Variants in PDE1A observed in about 807,000 individuals in gnomAD.
The protein encoded by PDE1A is phosphodiesterase 1A.
PDE1A carries 35 observed loss-of-function variants against 61.7 expected under a neutral mutation model. The observed-to-expected ratio is 0.57, with a 90% CI of 0.43 to 0.75. The LOEUF (loss-of-function observed/expected upper bound fraction) is 0.75, where lower values mean the gene tolerates loss of function less well. Ranked by LOEUF, PDE1A falls within the 30% of genes least tolerant of loss-of-function variation. PDE1A has a pLI of 0.00. For synonymous variants in PDE1A, 232 were observed against 213.2 expected (o/e 1.09, Z -0.77); for missense variants, 597 against 630.6 (o/e 0.95, Z 0.57).
At chr2:182,674,311 A>G in the PDE1A span, among the ~76,000 whole-genome samples, 1 of 152,038 alleles carries the variant, frequency 6.6e-6, no homozygotes, top group Admixed American at 6.6e-5. Flanking sequence ...AAATGCCCAT[A>G]GTGCCTTCTG....
chr2:182,155,341 G>A (rs1463292578), intron 13 of PDE1A, among the ~76,000 whole-genome samples: 1 of 151,876 alleles, frequency 6.6e-6, no homozygotes, highest in Non-Finnish European at 1.5e-5. Flanking sequence ...TGCTCATCTC[G>A]GCCTCCAGTA....
chr2:182,524,728 G>T (rs1231809723), upstream of PDE1A, among the ~76,000 whole-genome samples: 1 of 151,812 alleles, frequency 6.6e-6, no homozygotes, highest in Non-Finnish European at 1.5e-5. Context: ...ATTTTTCTTT[G>T]TTAGTTTACA....
intron 2 of PDE1A, among the ~76,000 whole-genome samples, chr2:182,482,731 A>T (rs937779206): frequency 9.2e-5 from 14 of 151,988 alleles, no homozygotes; most frequent in African/African-American, 3.4e-4. Flanking sequence ...CAATAGTGGC[A>T]CTGGTCTTGA....
the PDE1A span, among the ~76,000 whole-genome samples, chr2:182,532,945 C>CAAAAAAAAAAAAAA: frequency 3.3e-4 from 7 of 21,174 alleles, 2 homozygotes; most frequent in African/African-American, 5.7e-4. Flanking sequence ...GACTCCGTCT[C>CAAAAAAAAAAAAAA]AAAAAAAAAA....
intron 1 of PDE1A, among the ~76,000 whole-genome samples, chr2:182,272,620 A>C (rs980298746): frequency 6.6e-6 from 1 of 152,142 alleles, no homozygotes; most frequent in African/African-American, 2.4e-5. Flanking sequence ...AAGTCTTACA[A>C]TAAGAGGTAT....
upstream of PDE1A, among the ~76,000 whole-genome samples, chr2:182,527,203 A>G (rs1690784563): frequency 6.7e-6 from 1 of 148,644 alleles, no homozygotes; most frequent in African/African-American, 2.5e-5. Context: ...GCCATGAGTC[A>G]TGCCCATAAA....
At chr2:182,455,398 C>T (rs2125737293) in intron 2 of PDE1A, among the ~76,000 whole-genome samples, 1 of 151,906 alleles carries the variant, frequency 6.6e-6, no homozygotes, top group Non-Finnish European at 1.5e-5. Context: ...CCAGCCATCC[C>T]ATTACTGGGT....
intron 6 of PDE1A, among the ~76,000 whole-genome samples, chr2:182,227,163 T>C (rs1280167303): frequency 6.6e-6 from 1 of 152,030 alleles, no homozygotes; most frequent in African/African-American, 2.4e-5. Flanking sequence ...AAGAAGGCAA[T>C]ATGCTGAACA....
chr2:182,659,651 T>C, the PDE1A span, among the ~76,000 whole-genome samples: 1 of 152,356 alleles, frequency 6.6e-6, no homozygotes, highest in African/African-American at 2.4e-5. Context: ...TCAAAATTCC[T>C]TGGTTGGATT....
chr2:182,599,186 C>A, the PDE1A span, among the ~76,000 whole-genome samples: 6 of 152,178 alleles, frequency 3.9e-5, no homozygotes, highest in Non-Finnish European at 5.9e-5. Flanking sequence ...GAAGTGACTG[C>A]TCCCACTGCC....
chr2:182,559,066 CAA>C, the PDE1A span, among the ~76,000 whole-genome samples: 2 of 152,252 alleles, frequency 1.3e-5, no homozygotes, highest in African/African-American at 4.8e-5. Context: ...ATACCTCAAC[CAA>C]AGAGAGCTTT....
intron 1 of PDE1A, among the ~76,000 whole-genome samples, chr2:182,351,773 A>T (rs1698896223): frequency 6.6e-6 from 1 of 152,174 alleles, no homozygotes; most frequent in African/African-American, 2.4e-5. Context: ...GACAAACTTT[A>T]CTGAGCCATA....
intron 13 of PDE1A, among the ~76,000 whole-genome samples, chr2:182,183,372 C>A (rs1684928621): frequency 6.6e-6 from 1 of 152,180 alleles, no homozygotes; most frequent in African/African-American, 2.4e-5. Context: ...ACAGCAGGAA[C>A]CTGTGACCTT....
intron 2 of PDE1A, among the ~76,000 whole-genome samples, chr2:182,447,139 A>ACACG (rs1685194190): frequency 6.6e-6 from 1 of 151,586 alleles, no homozygotes; most frequent in East Asian, 1.9e-4. Context: ...ACACACACAC[A>ACACG]CAAACACACA....
At chr2:182,206,757 T>TG (rs1301449741) in intron 7 of PDE1A, among the ~76,000 whole-genome samples, 1 of 152,192 alleles carries the variant, frequency 6.6e-6, no homozygotes, top group Non-Finnish European at 1.5e-5. Flanking sequence ...GATTGGATCT[T>TG]GGGGGCAGAC....
the PDE1A span, among the ~76,000 whole-genome samples, chr2:182,567,530 C>A: frequency 6.6e-6 from 1 of 152,168 alleles, no homozygotes; most frequent in South Asian, 2.1e-4. Context: ...TTCTCGTCTT[C>A]CTTCCATTTA....
At chr2:182,307,987 T>C (rs1331148181) in intron 1 of PDE1A, among the ~76,000 whole-genome samples, 1 of 152,216 alleles carries the variant, frequency 6.6e-6, no homozygotes, top group African/African-American at 2.4e-5. Flanking sequence ...GAAAACTATA[T>C]AGAGCTTCCT....
the PDE1A span, among the ~76,000 whole-genome samples, chr2:182,595,822 C>T: frequency 1.3e-5 from 2 of 152,066 alleles, no homozygotes; most frequent in African/African-American, 2.4e-5. Flanking sequence ...TTTTGACATC[C>T]GGAATAAAGA....
At chr2:182,370,966 C>T (rs1489417843) in intron 1 of PDE1A, among the ~76,000 whole-genome samples, 4 of 152,048 alleles carry the variant, frequency 2.6e-5, no homozygotes, top group Non-Finnish European at 4.4e-5. Context: ...TAAAGTCTTA[C>T]CACAAGATAC....
Sources: allele counts gnomAD v4.1 joint callset (sites outside exome capture counted in the v4.1 genomes callset), GRCh38; gene constraint gnomAD v4.1.1; transcripts MANE v1.5; gene names NCBI Gene and HGNC (gene_info 2026-07-23, HGNC 2026-07-21).